Variants in STIM1 observed in about 807,000 individuals in gnomAD.
STIM1 encodes the protein stromal interaction molecule 1.
STIM1 carries 25 observed loss-of-function variants against 74.7 expected under a neutral mutation model. The observed-to-expected ratio is 0.33, with a 90% CI of 0.24 to 0.47. The LOEUF is 0.47. Among genes scored for constraint, STIM1 ranks in the 20% least tolerant of loss-of-function variants. The pLI, the probability that STIM1 is intolerant of heterozygous loss-of-function variation, is 1.00. For missense variants in STIM1, 728 were observed against 920.8 expected, an observed-to-expected ratio of 0.79 and a Z score of 2.71; for synonymous variants, 328 against 348.8, an observed-to-expected ratio of 0.94 and a Z score of 0.66.
At chr11:3,958,905 A>C (rs2093251979) in intron 1 of STIM1, among the ~76,000 whole-genome samples, 1 of 148,948 alleles carries the variant, frequency 6.7e-6, no homozygotes, top group African/African-American at 2.5e-5. Flanking sequence ...AGATCAAGCT[A>C]TTGCACTCCA....
chr11:4,003,910 A>G (rs1229556385), intron 2 of STIM1, among the ~76,000 whole-genome samples: 6 of 152,220 alleles, frequency 3.9e-5, no homozygotes, highest in South Asian at 4.1e-4. Context: ...AAAAAAATCA[A>G]TGTACAAAAA....
chr11:3,872,324 A>G lies in STIM1; in HGVS notation c.139+15915A>G, dbSNP rs537295512. On this transcript the variant is annotated intron_variant, in intron 1 of 12. Transcript: ENST00000526596. ...CGCCTTGGCCTCCCAAAGTGCTGGG[A>G]TTACAGACGTGATCCACTGCACCCG... 2.0e-5 allele frequency among the ~76,000 whole-genome samples: 3 copies of G among 152,106 alleles called. No individual in the cohort carries two copies. In the East Asian group the frequency reaches 5.8e-4, roughly 30 times the overall value.
At chr11:3,980,505 T>C (rs1323353307) in intron 2 of STIM1, among the ~76,000 whole-genome samples, 3 of 151,796 alleles carry the variant, frequency 2.0e-5, no homozygotes, top group African/African-American at 7.3e-5. Flanking sequence ...AAGCCAGGTT[T>C]GGTGGTTCAT....
intron 1 of STIM1, among the ~76,000 whole-genome samples, chr11:3,864,518 A>G (rs566283958): frequency 5.3e-5 from 8 of 152,336 alleles, no homozygotes; most frequent in African/African-American, 9.6e-5. Context: ...ACACTGGGCT[A>G]TACTGGACAT....
chr11:4,086,673 T>G, intron 12 of STIM1, 130 bp downstream of exon 12: 2 of 1,544,962 alleles, frequency 1.3e-6, no homozygotes, highest in Non-Finnish European at 1.7e-6. Flanking sequence ...CCTCTGCTGC[T>G]GCTTCTTGCT....
intron 2 of STIM1, among the ~76,000 whole-genome samples, chr11:3,974,571 G>T (rs184328087): frequency 6.7e-6 from 1 of 149,504 alleles, no homozygotes; most frequent in Admixed American, 6.6e-5. Flanking sequence ...GACTTTTTAA[G>T]AGTCTCTTAA....
chr11:4,067,608 T>C (rs1323763366), intron 5 of STIM1, among the ~76,000 whole-genome samples: 1 of 152,192 alleles, frequency 6.6e-6, no homozygotes, highest in Non-Finnish European at 1.5e-5. Context: ...GTTGGGCAAA[T>C]CTGGATTTAA....
At chr11:3,909,783 C>T (rs1218396871) in intron 1 of STIM1, among the ~76,000 whole-genome samples, 1 of 131,052 alleles carries the variant, frequency 7.6e-6, no homozygotes, top group Admixed American at 8.1e-5. Flanking sequence ...CAGAGCGAGA[C>T]TCCATCTCAA....
chr11:3,873,057 T>G (rs1190869129), intron 1 of STIM1, among the ~76,000 whole-genome samples: 1 of 151,574 alleles, frequency 6.6e-6, no homozygotes, highest in Non-Finnish European at 1.5e-5. Context: ...TAAATGATCC[T>G]CCTACCTCAG....
At chr11:3,942,290 C>A (rs1280718439) in intron 1 of STIM1, among the ~76,000 whole-genome samples, 1 of 152,152 alleles carries the variant, frequency 6.6e-6, no homozygotes, top group Non-Finnish European at 1.5e-5. Context: ...ATACCTAGAC[C>A]ACTTATAGCA....
intron 1 of STIM1, among the ~76,000 whole-genome samples, chr11:3,963,462 T>C (rs1321398856): frequency 6.6e-6 from 1 of 152,214 alleles, no homozygotes; most frequent in East Asian, 1.9e-4. Context: ...TCTAATATGG[T>C]AAATATTAAA....
intron 1 of STIM1, among the ~76,000 whole-genome samples, chr11:3,935,148 G>A (rs2092917433): frequency 6.6e-6 from 1 of 152,190 alleles, no homozygotes. Context: ...GGCTTGTCCT[G>A]AGATTTCTCA....
chr11:4,083,973 C>A (rs1007880070), intron 10 of STIM1, among the ~76,000 whole-genome samples: 3 of 152,080 alleles, frequency 2.0e-5, no homozygotes, highest in African/African-American at 7.2e-5. Context: ...TGATATAGTC[C>A]TAAATCCTCT....
At chr11:3,994,079 T>G (rs1239634704) in intron 2 of STIM1, among the ~76,000 whole-genome samples, 1 of 152,196 alleles carries the variant, frequency 6.6e-6, no homozygotes, top group Non-Finnish European at 1.5e-5. Context: ...ATTTTCTCAG[T>G]GTTTGTTTAT....
chr11:3,895,755 C>CTCT (rs2092125374), intron 1 of STIM1, among the ~76,000 whole-genome samples: 2 of 44,942 alleles, frequency 4.5e-5, no homozygotes, highest in Admixed American at 2.4e-4. Context: ...TTCCTTCCTT[C>CTCT]CTTCCTTCCT....
intron 12 of STIM1, among the ~76,000 whole-genome samples, chr11:4,087,993 C>T (rs151188034): frequency 6.6e-6 from 1 of 151,960 alleles, no homozygotes; most frequent in East Asian, 1.9e-4. Context: ...AAGTAATTCC[C>T]TCCAGGTCTC....
chr11:4,031,734 T>C (rs964192349), intron 3 of STIM1, among the ~76,000 whole-genome samples: 1 of 152,228 alleles, frequency 6.6e-6, no homozygotes, highest in Admixed American at 6.5e-5. Flanking sequence ...TTTTTCTAAA[T>C]TGAGTTTTGA....
chr11:3,944,598 G>T (rs965072436), intron 1 of STIM1, among the ~76,000 whole-genome samples: 1 of 152,214 alleles, frequency 6.6e-6, no homozygotes, highest in Non-Finnish European at 1.5e-5. Context: ...AGTAGAAAGA[G>T]CACAATTTAA....
chr11:4,058,782 T>A (rs371992986), intron 4 of STIM1: 1 of 983,830 alleles, frequency 1.0e-6, no homozygotes, highest in Non-Finnish European at 1.2e-6. Flanking sequence ...TTAATTAAAA[T>A]TTTTTTTCCT....
Sources: allele counts gnomAD v4.1 joint callset (sites outside exome capture counted in the v4.1 genomes callset), GRCh38; gene constraint gnomAD v4.1.1; transcripts MANE v1.5; gene names NCBI Gene and HGNC (gene_info 2026-07-23, HGNC 2026-07-21).